Variants in LPA observed in about 807,000 individuals in gnomAD.
LPA encodes lipoprotein(a).
Under a neutral mutation model 197.9 loss-of-function variants are expected in LPA, and 199 were observed. The ratio of observed to expected loss-of-function variants is 1.01; its 90% CI spans 0.90 to 1.13. The LOEUF (loss-of-function observed/expected upper bound fraction) is 1.13, where lower values mean the gene tolerates loss of function less well. Among genes scored for constraint, LPA ranks in the 50% most tolerant of loss-of-function variants. The pLI is 0.00. For missense variants in LPA, 1,853 were observed against 1,785.8 expected (o/e 1.04, Z -0.68); for synonymous variants, 715 against 639.5 (o/e 1.12, Z -1.78).
chr6:160,584,192 T>C (rs909389187), intron 26 of LPA, among the ~76,000 whole-genome samples: 4 of 93,770 alleles, frequency 4.3e-5, no homozygotes, highest in Admixed American at 2.5e-4. Flanking sequence ...CTTCTTCTTC[T>C]TCTTCTTCTT....
intron 33 of LPA, 146 bp downstream of exon 33, chr6:160,545,294 G>C: frequency 1.5e-6 from 1 of 647,044 alleles, no homozygotes; most frequent in Non-Finnish European, 2.8e-6. Context: ...AGGTGGCCAT[G>C]ATGAAAAGCA....
At chr6:160,590,650 G>A (rs994681955) in intron 23 of LPA, among the ~76,000 whole-genome samples, 1 of 152,166 alleles carries the variant, frequency 6.6e-6, no homozygotes, top group Non-Finnish European at 1.5e-5. Context: ...CAGGATGTTA[G>A]AATATCCATT....
In LPA at chr6:160,555,568, C is replaced by T. The variant is rs369078341; in HGVS notation, c.4973+457G>A. On this transcript the variant is annotated intron_variant, in intron 30 of 38. Transcript: ENST00000316300. ...ATGAACATATATATGTATATATATA[C>T]ATACTAGTCTGAATAAACACACCTG... Among the ~76,000 whole-genome samples, 33 of 148,606 alleles carry T rather than the reference C, an allele frequency of 2.2e-4. No individual in the cohort carries two copies. In the South Asian group the frequency reaches 6.8e-3, roughly 30 times the overall value.
At chr6:160,582,056 T>G (rs1309977311) in intron 26 of LPA, among the ~76,000 whole-genome samples, 7 of 152,138 alleles carry the variant, frequency 4.6e-5, no homozygotes, top group African/African-American at 1.7e-4. Flanking sequence ...TGATGAAACA[T>G]TCTTTTATTT....
At chr6:160,584,587 C>T (rs1446059090) in intron 26 of LPA, among the ~76,000 whole-genome samples, 1 of 152,074 alleles carries the variant, frequency 6.6e-6, no homozygotes, top group East Asian at 1.9e-4. Context: ...CCGTCTTGTC[C>T]TCCCAAAGTG....
At chr6:160,602,631 G>A (rs1174344699) in intron 18 of LPA, among the ~76,000 whole-genome samples, 1 of 152,132 alleles carries the variant, frequency 6.6e-6, no homozygotes, top group Non-Finnish European at 1.5e-5. Flanking sequence ...TCTTCTTCTA[G>A]CTAATTTTCT....
At chr6:160,649,095 G>T (rs1424616665) in intron 2 of LPA, among the ~76,000 whole-genome samples, 7 of 152,244 alleles carry the variant, frequency 4.6e-5, no homozygotes, top group African/African-American at 1.4e-4. Flanking sequence ...GATGCTTGGA[G>T]ACTTCCTTTT....
intron 33 of LPA, among the ~76,000 whole-genome samples, chr6:160,545,117 C>G (rs1306106028): frequency 6.6e-6 from 1 of 151,882 alleles, no homozygotes; most frequent in East Asian, 1.9e-4. Flanking sequence ...ATTTGTTTTT[C>G]ATGCATCCCA....
intron 2 of LPA, among the ~76,000 whole-genome samples, chr6:160,647,627 A>C (rs562797608): frequency 2.6e-5 from 4 of 152,136 alleles, no homozygotes; most frequent in African/African-American, 4.8e-5. Context: ...AGAGTTAAAA[A>C]CTTTGTGATT....
At chr6:160,660,016 T>A (rs1418721267) in intron 1 of LPA, among the ~76,000 whole-genome samples, 1 of 152,276 alleles carries the variant, frequency 6.6e-6, no homozygotes, top group Non-Finnish European at 1.5e-5. Flanking sequence ...AGGTTTGCAG[T>A]GATACTAAAG....
intron 34 of LPA, among the ~76,000 whole-genome samples, chr6:160,542,277 G>A (rs1168452417): frequency 2.0e-5 from 3 of 152,182 alleles, no homozygotes; most frequent in Non-Finnish European, 2.9e-5. Context: ...AAAAATCTGT[G>A]CCTGTGATAG....
At position 160,601,079 on chromosome 6, in the gene LPA, A is replaced by C. The variant is rs1382683969; in HGVS notation, c.2965T>G (p.Cys989Gly). Reference protein sequence around the residue: ...YPNAGLIKNYCRNPDPVAAPW... With the variant: ...YPNAGLIKNYGRNPDPVAAPW... ...GCTGCCACAGGATCTGGATTTCGGCAGTAGTTCTTGATCAAGCCACTGGAA... is the reference window on the plus strand; with the variant it reads ...GCTGCCACAGGATCTGGATTTCGGCCGTAGTTCTTGATCAAGCCACTGGAA... Residue 989 changes from cysteine (C) to glycine (G), a missense_variant, in exon 19 of 39, where the codon TGC becomes GGC. Physicochemically the swap from Cys to Gly is radical, Grantham distance 159 (BLOSUM62 -3). Transcript: ENST00000316300. 3.7e-6 allele frequency: 6 copies of C among 1,613,962 alleles called. No homozygotes were observed. The Admixed American group carries it at 6.7e-5, about 18-fold the overall frequency.
rs1297528743 is a variant in LPA at position 160,531,603 on chromosome 6, T to C, written c.*126A>G. ...ACAAAAATACCAAAAATGCCAAGGT[T>C]TGGCATAGCTGGTAGCTGGGAACAG... On this transcript the variant is annotated 3_prime_UTR_variant, in exon 39 of 39. Coordinates refer to ENST00000316300, the MANE Select transcript of LPA (RefSeq NM_005577.4). 7.5e-7 allele frequency: 1 copy of C among 1,328,846 alleles called. No homozygotes were observed. The highest frequency in any genetic ancestry group is 1.1e-6 in the Non-Finnish European group (1 of 930,934). The allele number at this position is 1,328,846 out of a possible 1,614,324, so 82.3% of individuals were successfully genotyped here.
intron 1 of LPA, among the ~76,000 whole-genome samples, chr6:160,650,794 T>C (rs1273196981): frequency 1.3e-5 from 2 of 152,176 alleles, no homozygotes; most frequent in Non-Finnish European, 2.9e-5. Context: ...CTTCTTAATG[T>C]TCATGAGGAC....
chr6:160,655,742 C>A (rs1326420279), intron 1 of LPA, among the ~76,000 whole-genome samples: 1 of 152,196 alleles, frequency 6.6e-6, no homozygotes, highest in East Asian at 1.9e-4. Context: ...AAATGTCTCA[C>A]CAATAAGTTC....
intron 28 of LPA, among the ~76,000 whole-genome samples, chr6:160,565,351 A>T (rs1429053089): frequency 6.6e-6 from 1 of 152,096 alleles, no homozygotes; most frequent in Non-Finnish European, 1.5e-5. Flanking sequence ...AGGCAGCAAC[A>T]TTTGCTGTTC....
chr6:160,574,355 A>G (rs1368005001), intron 28 of LPA, among the ~76,000 whole-genome samples: 2 of 152,158 alleles, frequency 1.3e-5, no homozygotes, highest in Non-Finnish European at 2.9e-5. Flanking sequence ...AAAGGGCTTT[A>G]GTCCTTCCCC....
At chr6:160,593,494 A>G (rs917977229) in intron 22 of LPA, among the ~76,000 whole-genome samples, 1 of 152,174 alleles carries the variant, frequency 6.6e-6, no homozygotes, top group African/African-American at 2.4e-5. Context: ...CCTTGTTCTC[A>G]GAACCCAGGT....
At chr6:160,606,380 A>G (rs892088597) in intron 17 of LPA, 97 bp downstream of exon 17, 3 of 1,514,128 alleles carry the variant, frequency 2.0e-6, no homozygotes, top group Non-Finnish European at 2.7e-6. Context: ...ACACTCGAGC[A>G]TCCGTTTACC....
Sources: gnomAD v4.1 joint callset for allele counts (sites outside exome capture counted in the v4.1 genomes callset) on GRCh38, gnomAD v4.1.1 for gene constraint, MANE v1.5 for transcripts, NCBI Gene and HGNC (gene_info 2026-07-23, HGNC 2026-07-21) for gene names.